SRGAP2: variants seen among roughly 807,000 people sequenced by gnomAD.
The protein encoded by SRGAP2 is SLIT-ROBO Rho GTPase-activating protein 2.
SRGAP2 carries 15 observed loss-of-function variants against 57.2 expected under a neutral mutation model. That is an observed-to-expected ratio of 0.26 (90% CI 0.18 to 0.40). The LOEUF is 0.40. Among genes scored for constraint, SRGAP2 ranks in the 10% least tolerant of loss-of-function variants. The pLI is 1.00. For synonymous variants in SRGAP2, 249 were observed against 248.0 expected (o/e 1.00, Z -0.04); for missense variants, 520 against 669.6 (o/e 0.78, Z 2.47).
At chr1:206,453,661 C>T (rs1187055980) in intron 20 of SRGAP2, 1 of 300,002 alleles carries the variant, frequency 3.3e-6, no homozygotes, top group Non-Finnish European at 6.1e-6. Context: ...AGCACTCATC[C>T]ATATTTATAC....
intron 2 of SRGAP2, among the ~76,000 whole-genome samples, chr1:206,292,436 C>T (rs1671381177): frequency 6.6e-6 from 1 of 151,806 alleles, no homozygotes. Context: ...CCAGGAACAG[C>T]CATTGCAACA....
At chr1:206,240,817 T>C (rs1377580048) in intron 2 of SRGAP2, among the ~76,000 whole-genome samples, 1 of 152,158 alleles carries the variant, frequency 6.6e-6, no homozygotes, top group African/African-American at 2.4e-5. Flanking sequence ...CCTATGCTTT[T>C]CCCATAGGGC....
chr1:206,438,695 C>T (rs77473581), intron 16 of SRGAP2, among the ~76,000 whole-genome samples: 1,643 of 152,292 alleles, frequency 0.011, 34 homozygotes, highest in African/African-American at 0.038. Flanking sequence ...ACTGGAACAC[C>T]CTCTCATTTG....
At chr1:206,394,038 CTTT>C (rs577375533) in intron 7 of SRGAP2, among the ~76,000 whole-genome samples, 11 of 49,902 alleles carry the variant, frequency 2.2e-4, no homozygotes, top group Admixed American at 6.7e-4. Context: ...TACTTTCTTC[CTTT>C]TTTTTTTTTT....
intron 4 of SRGAP2, among the ~76,000 whole-genome samples, chr1:206,375,128 T>A (rs1156294635): frequency 7.0e-6 from 1 of 143,036 alleles, no homozygotes; most frequent in African/African-American, 2.6e-5. Flanking sequence ...TAGAAGGGCA[T>A]ATGTTTTCAA....
At chr1:206,393,370 A>C (rs1189998902) in intron 6 of SRGAP2, among the ~76,000 whole-genome samples, 175 bp from the exon 7 acceptor site, 2 of 106,394 alleles carry the variant, frequency 1.9e-5, no homozygotes, top group African/African-American at 7.4e-5. Context: ...TCCTGAATTG[A>C]TCTACATTGT....
intron 2 of SRGAP2, among the ~76,000 whole-genome samples, chr1:206,237,051 A>C (rs372576618): frequency 6.7e-6 from 1 of 149,406 alleles, no homozygotes; most frequent in East Asian, 2.0e-4. Context: ...AAAATATGTA[A>C]ATGCCAGCCT....
intron 2 of SRGAP2, among the ~76,000 whole-genome samples, chr1:206,229,132 A>G (rs1354325253): frequency 2.0e-4 from 30 of 152,096 alleles, no homozygotes; most frequent in African/African-American, 7.2e-4. Context: ...AAGGAAGCCT[A>G]TAGAATTCCA....
chr1:206,267,208 T>G (rs1339851974), intron 2 of SRGAP2, among the ~76,000 whole-genome samples: 2 of 152,122 alleles, frequency 1.3e-5, no homozygotes, highest in Admixed American at 6.6e-5. Context: ...GACCTCGTGA[T>G]CCGCCTGCCT....
chr1:206,374,138 C>A (rs1386943868), intron 4 of SRGAP2, among the ~76,000 whole-genome samples: 1 of 149,994 alleles, frequency 6.7e-6, no homozygotes, highest in Non-Finnish European at 1.5e-5. Flanking sequence ...CATTCTCCTG[C>A]CTCAGCCTCC....
At chr1:206,436,227 T>C (rs1307356774) in intron 14 of SRGAP2, among the ~76,000 whole-genome samples, 1 of 152,202 alleles carries the variant, frequency 6.6e-6, no homozygotes, top group Non-Finnish European at 1.5e-5. Flanking sequence ...CTCTTTTTCA[T>C]GAGTATTGAA....
intron 2 of SRGAP2, among the ~76,000 whole-genome samples, chr1:206,283,062 T>G (rs1481127176): frequency 6.6e-6 from 1 of 150,492 alleles, no homozygotes; most frequent in Non-Finnish European, 1.5e-5. Flanking sequence ...CAGCTTCTTT[T>G]CTGTTGCCTC....
intron 2 of SRGAP2, among the ~76,000 whole-genome samples, chr1:206,276,372 C>G (rs1235548291): frequency 1.4e-5 from 2 of 146,248 alleles, no homozygotes; most frequent in Non-Finnish European, 3.0e-5. Flanking sequence ...ATTCAGGTTG[C>G]CGAGAGCCTT....
chr1:206,324,461 T>C (rs1297415296), intron 3 of SRGAP2, among the ~76,000 whole-genome samples: 1 of 152,216 alleles, frequency 6.6e-6, no homozygotes, highest in Non-Finnish European at 1.5e-5. Flanking sequence ...CCTTTTCATA[T>C]AGAGAAGGTA....
chr1:206,450,321 G>A (rs1279190403), intron 18 of SRGAP2, 65 bp from the exon 19 acceptor site: 1 of 763,008 alleles, frequency 1.3e-6, no homozygotes, highest in Non-Finnish European at 2.4e-6. Flanking sequence ...GAGGCTGTAT[G>A]AAGGGGAAGA....
Position 206,296,599 on chromosome 1 carries a change from TA to T in SRGAP2, c.68-6673del, listed in dbSNP as rs1433937265. Among the ~76,000 whole-genome samples, 14 of 151,696 alleles carry T rather than the reference TA, an allele frequency of 9.2e-5. No homozygotes were observed. The South Asian group carries it at 2.9e-3, about 32-fold the overall frequency. On this transcript the variant is annotated intron_variant, in intron 2 of 22. Transcript: ENST00000573034. ...CATGCACCACCACCCCCAGCTAACT[TA>T]AAAAAAAATTTTGTAGAGCTGGGAT...
At chr1:206,305,646 G>A (rs1672147019) in intron 3 of SRGAP2, among the ~76,000 whole-genome samples, 2 of 150,994 alleles carry the variant, frequency 1.3e-5, no homozygotes, top group Admixed American at 6.6e-5. Context: ...AATATGTGGT[G>A]TATAGTAGAT....
chr1:206,438,161 A>G, intron 16 of SRGAP2, 63 bp downstream of exon 16: 1 of 758,150 alleles, frequency 1.3e-6, no homozygotes, highest in Non-Finnish European at 2.5e-6. Flanking sequence ...AGAGAGAAAA[A>G]GTTTCCACAG....
chr1:206,414,029 C>CTTTT (rs201058533), intron 10 of SRGAP2, among the ~76,000 whole-genome samples: 16 of 145,154 alleles, frequency 1.1e-4, no homozygotes, highest in African/African-American at 2.4e-4. Context: ...TTTTCTTTTT[C>CTTTT]TTTCTTTTTT....
Sources: gnomAD v4.1 joint callset for allele counts (sites outside exome capture counted in the v4.1 genomes callset) on GRCh38, gnomAD v4.1.1 for gene constraint, MANE v1.5 for transcripts, NCBI Gene and HGNC (gene_info 2026-07-23, HGNC 2026-07-21) for gene names.